NAPEPLD: variants seen among roughly 807,000 people sequenced by gnomAD.
NAPEPLD encodes the protein N-acyl phosphatidylethanolamine phospholipase D, also known as N-acyl-phosphatidylethanolamine-hydrolyzing phospholipase D.
NAPEPLD carries 23 observed loss-of-function variants against 38.1 expected under a neutral mutation model. The ratio of observed to expected loss-of-function variants is 0.60; its 90% confidence interval spans 0.43 to 0.86. NAPEPLD has a LOEUF of 0.86. Ranked by LOEUF, NAPEPLD falls within the 40% of genes least tolerant of loss-of-function variation. The pLI, the probability that NAPEPLD is intolerant of heterozygous loss-of-function variation, is 0.00. For synonymous variants in NAPEPLD, 147 were observed against 162.0 expected, an observed-to-expected ratio of 0.91 and a Z score of 0.71; for missense variants, 411 against 476.8, an observed-to-expected ratio of 0.86 and a Z score of 1.28.
At chr7:103,105,932 CAAAAAAAA>C (rs1194781765) in intron 4 of NAPEPLD, among the ~76,000 whole-genome samples, 195 of 49,996 alleles carry the variant, frequency 3.9e-3, no homozygotes, top group Non-Finnish European at 4.7e-3. Context: ...GACTCCGTCT[CAAAAAAAA>C]AAAAAAAAAA....
upstream of NAPEPLD, chr7:103,149,125 A>G: frequency 5.1e-6 from 5 of 986,808 alleles, no homozygotes; most frequent in Non-Finnish European, 6.0e-6. Context: ...GAGACCGTGG[A>G]GGAGGCAGCA....
intron 4 of NAPEPLD, among the ~76,000 whole-genome samples, chr7:103,104,374 G>T (rs1451311531): frequency 6.6e-6 from 1 of 152,194 alleles, no homozygotes; most frequent in Non-Finnish European, 1.5e-5. Flanking sequence ...AACTACAGAA[G>T]AGAAGAGGTC....
chr7:103,110,258 T>G (rs1416616815), intron 4 of NAPEPLD, among the ~76,000 whole-genome samples: 2 of 152,006 alleles, frequency 1.3e-5, no homozygotes, highest in African/African-American at 4.8e-5. Context: ...CTGGCAGAGA[T>G]TCCAAAACCT....
chr7:103,100,478 G>A lies in NAPEPLD; in HGVS notation c.*2951C>T, dbSNP rs1259353557. On this transcript the variant is annotated 3_prime_UTR_variant, in exon 5 of 5. Transcript: ENST00000465647. ...ATTTTTAACTACCCAGAAAGAAGAT[G>A]CACAAATACATCTTTTCCTACGTAG... is the stretch of plus-strand genomic sequence containing the variant. The A allele has an allele frequency of 6.6e-6, 1 of 152,178 alleles. No homozygotes were observed. The highest frequency in any genetic ancestry group is 1.5e-5 in the Non-Finnish European group (1 of 68,026). The allele number at this position is 152,178 out of a possible 1,614,324, so 9.4% of individuals were successfully genotyped here. A position where few individuals can be genotyped will look rare whatever the true frequency, so the allele number is the denominator to read the frequency against.
chr7:103,144,177 T>C (rs887040078), intron 1 of NAPEPLD, among the ~76,000 whole-genome samples: 2 of 152,234 alleles, frequency 1.3e-5, no homozygotes, highest in Admixed American at 6.5e-5. Flanking sequence ...ACTAATCATG[T>C]TGAATCTACA....
rs1331003009 is a variant in NAPEPLD, at chr7:103,119,774, A to G, written c.744T>C (p.Phe248=). Residue 248 remains phenylalanine (F), a synonymous_variant, in exon 3 of 5, where the codon TTT becomes TTC. Coordinates refer to ENST00000465647, the MANE Select transcript of NAPEPLD (RefSeq NM_001122838.3). ...VPGHDKVTFV[F]TPSQHWCKRT... is the part of the protein sequence containing the mutation. Reference sequence around the variant, plus strand: ...TTTTACACCAGTGCTGGGAAGGTGTAAAGACAAAAGTGACCTTATCATGTC... The same window carrying G: ...TTTTACACCAGTGCTGGGAAGGTGTGAAGACAAAAGTGACCTTATCATGTC... The G allele has an allele frequency of 6.2e-7, 1 of 1,614,194 alleles. No individual in the cohort carries two copies. Among genetic ancestry groups the G allele is most frequent in the Non-Finnish European group, 8.5e-7 (1 of 1,180,024 alleles).
chr7:103,146,427 T>C (rs757486502), intron 1 of NAPEPLD, among the ~76,000 whole-genome samples: 4 of 152,008 alleles, frequency 2.6e-5, no homozygotes, highest in East Asian at 1.9e-4. Flanking sequence ...ATTCTTGTAA[T>C]TGAGAGAGAT....
chr7:103,110,015 C>T (rs910701950), intron 4 of NAPEPLD, among the ~76,000 whole-genome samples: 1 of 152,064 alleles, frequency 6.6e-6, no homozygotes, highest in African/African-American at 2.4e-5. Flanking sequence ...TAAGACTAAA[C>T]CAGGAAGAAG....
intron 2 of NAPEPLD, among the ~76,000 whole-genome samples, chr7:103,124,054 C>T (rs1031317757): frequency 6.6e-6 from 1 of 152,218 alleles, no homozygotes; most frequent in East Asian, 1.9e-4. Context: ...GTAATCCCAA[C>T]ACTTCAGGAG....
rs1809478573 is a variant in NAPEPLD, at chr7:103,133,807, C to G, written c.-16-5015G>C. Among the ~76,000 whole-genome samples the G allele has an allele frequency of 2.6e-5, 4 of 152,102 alleles. No individual in the cohort carries two copies. The South Asian group carries it at 6.2e-4, about 24-fold the overall frequency. The stretch of plus-strand genomic sequence containing the variant: ...TCCACCCTTGATTTCAGGCCAACAC[C>G]AACTGAAAGTAGATGTGTACATGAA... On this transcript the variant is annotated intron_variant, in intron 1 of 4. Coordinates refer to ENST00000465647, the MANE Select transcript of NAPEPLD (RefSeq NM_001122838.3).
chr7:103,141,237 GTTGTTTTTTTTT>G lies in NAPEPLD; in HGVS notation c.-17+7562_-17+7573del, dbSNP rs779198482. The G allele has an allele frequency of 6.3e-3, 497 of 79,132 alleles. 19 individuals carry two copies. In the East Asian group the frequency reaches 0.15, roughly 24 times the overall value. The allele number at this position is 79,132 out of a possible 1,614,324, so 4.9% of individuals were successfully genotyped here. ...AATGTACATCAGAATTACCTGTGGA[GTTGTTTTTTTTT>G]TTTTTTTTTTTTTTTTGCAAGCAGA... On this transcript the variant is annotated intron_variant, in intron 1 of 4. Coordinates refer to ENST00000465647, the MANE Select transcript of NAPEPLD (RefSeq NM_001122838.3).
At chr7:103,120,404 A>G (rs1179680636) in intron 2 of NAPEPLD, among the ~76,000 whole-genome samples, 181 bp from the exon 3 acceptor site, 1 of 152,122 alleles carries the variant, frequency 6.6e-6, no homozygotes, top group East Asian at 1.9e-4. Context: ...TCTGAATCTG[A>G]CTTAATAATC....
chr7:103,143,285 T>G (rs1811862529), intron 1 of NAPEPLD, among the ~76,000 whole-genome samples: 1 of 151,534 alleles, frequency 6.6e-6, no homozygotes, highest in Non-Finnish European at 1.5e-5. Context: ...AATAATTGAG[T>G]AGTTAAATTC....
upstream of NAPEPLD, among the ~76,000 whole-genome samples, chr7:103,149,720 C>A (rs187477776): frequency 6.6e-6 from 1 of 152,182 alleles, no homozygotes; most frequent in African/African-American, 2.4e-5. Flanking sequence ...TTGGTTCCCC[C>A]CGCTGTCCTA....
chr7:103,105,507 G>A (rs1332246075), intron 4 of NAPEPLD, among the ~76,000 whole-genome samples: 2 of 152,206 alleles, frequency 1.3e-5, no homozygotes, highest in Non-Finnish European at 2.9e-5. Flanking sequence ...TGTAGGAAAT[G>A]CACTCATCAT....
chr7:103,109,860 G>A (rs547831215), intron 4 of NAPEPLD, among the ~76,000 whole-genome samples: 9 of 152,088 alleles, frequency 5.9e-5, no homozygotes, highest in Admixed American at 3.3e-4. Flanking sequence ...GAATCAAATT[G>A]ACGCAATAAA....
At chr7:103,140,003 T>G (rs1362884978) in intron 1 of NAPEPLD, among the ~76,000 whole-genome samples, 1 of 152,178 alleles carries the variant, frequency 6.6e-6, no homozygotes, top group African/African-American at 2.4e-5. Context: ...AAAATGAATA[T>G]AACTAAAATA....
intron 3 of NAPEPLD, among the ~76,000 whole-genome samples, chr7:103,117,144 C>T (rs575811352): frequency 6.6e-6 from 1 of 152,336 alleles, no homozygotes; most frequent in South Asian, 2.1e-4. Flanking sequence ...GACCAACAGA[C>T]ATGGATTCAG....
At chr7:103,137,281 G>T (rs527360432) in intron 1 of NAPEPLD, among the ~76,000 whole-genome samples, 3 of 152,186 alleles carry the variant, frequency 2.0e-5, no homozygotes, top group Admixed American at 6.5e-5. Flanking sequence ...AACGCAATTT[G>T]AATCTTTGGG....
Sources: gnomAD v4.1 joint callset for allele counts (sites outside exome capture counted in the v4.1 genomes callset) on GRCh38, gnomAD v4.1.1 for gene constraint, MANE v1.5 for transcripts, NCBI Gene and HGNC (gene_info 2026-07-23, HGNC 2026-07-21) for gene names.